DOCK8: variants seen among roughly 807,000 people sequenced by gnomAD.
DOCK8 encodes dedicator of cytokinesis 8.
Under a neutral mutation model 245.6 loss-of-function variants are expected in DOCK8, and 141 were observed. That is an observed-to-expected ratio of 0.57 (90% CI 0.50 to 0.66). DOCK8 has a LOEUF of 0.66. Ranked by LOEUF, DOCK8 falls within the 30% of genes least tolerant of loss-of-function variation. The pLI is 0.00. For synonymous variants in DOCK8, 1,168 were observed against 970.2 expected (o/e 1.20, Z -3.79); for missense variants, 2,965 against 2,603.4 (o/e 1.14, Z -3.02).
At chr9:340,396 G>T in intron 14 of DOCK8, 75 bp downstream of exon 14, 1 of 1,584,206 alleles carries the variant, frequency 6.3e-7, no homozygotes. Context: ...CGAGGCAGGA[G>T]GATTGCTTGA....
intron 46 of DOCK8, among the ~76,000 whole-genome samples, chr9:462,586 C>G (rs2057839939): frequency 6.6e-6 from 1 of 152,220 alleles, no homozygotes; most frequent in Admixed American, 6.5e-5. Context: ...TCCCCTCAGC[C>G]CATAGACCTA....
At chr9:364,039 T>A (rs1377734534) in intron 14 of DOCK8, among the ~76,000 whole-genome samples, 2 of 152,186 alleles carry the variant, frequency 1.3e-5, no homozygotes, top group Non-Finnish European at 2.9e-5. Flanking sequence ...TTTAATTAAT[T>A]CAAAGATGAT....
intron 28 of DOCK8, among the ~76,000 whole-genome samples, chr9:412,217 A>G (rs1403473691): frequency 6.6e-6 from 1 of 152,170 alleles, no homozygotes; most frequent in Non-Finnish European, 1.5e-5. Flanking sequence ...CACCCTGAGC[A>G]ACATGGCAAA....
At chr9:401,287 G>A (rs1463808650) in intron 26 of DOCK8, among the ~76,000 whole-genome samples, 1 of 152,216 alleles carries the variant, frequency 6.6e-6, no homozygotes, top group Admixed American at 6.5e-5. Context: ...TCATTGAGCA[G>A]CACTTGGACA....
chr9:213,235 G>A (rs1465352582), upstream of DOCK8: 2 of 152,158 alleles, frequency 1.3e-5, no homozygotes, highest in Non-Finnish European at 2.9e-5. Flanking sequence ...GGGGGGCGGG[G>A]AGTTACCTAA....
At chr9:215,482 C>G in intron 1 of DOCK8, 1 of 1,472,128 alleles carries the variant, frequency 6.8e-7, no homozygotes. Flanking sequence ...AGGCAGGCTG[C>G]AAGCCTTCTG....
intron 39 of DOCK8, among the ~76,000 whole-genome samples, chr9:436,427 A>T (rs974944356): frequency 6.6e-6 from 1 of 152,232 alleles, no homozygotes; most frequent in Non-Finnish European, 1.5e-5. Flanking sequence ...TCAAAAATAA[A>T]TATTATAGTA....
intron 14 of DOCK8, among the ~76,000 whole-genome samples, chr9:363,600 G>T (rs565274017): frequency 6.6e-6 from 1 of 152,268 alleles, no homozygotes; most frequent in Non-Finnish European, 1.5e-5. Flanking sequence ...CTTAGGAAAT[G>T]CATCTCCTTA....
chr9:277,494 A>G (rs2048404792), intron 2 of DOCK8, among the ~76,000 whole-genome samples: 1 of 105,434 alleles, frequency 9.5e-6, no homozygotes. Context: ...GAGAAGACAT[A>G]CAAAAGAAGA....
intron 1 of DOCK8, among the ~76,000 whole-genome samples, chr9:252,636 C>G (rs1002106415): frequency 1.3e-5 from 2 of 151,870 alleles, no homozygotes; most frequent in Non-Finnish European, 2.9e-5. Flanking sequence ...AACCCCATCT[C>G]TACTAAAAAT....
Position 245,286 on chromosome 9 carries a change from C to G in DOCK8, c.54-26341C>G, listed in dbSNP as rs111832612. ...GTGGCACAATCTCAGCTCACTGCAA[C>G]CTCCACCTCCTGAGTTCAAGTGATT... is the stretch of plus-strand genomic sequence containing the variant. On this transcript the variant is annotated intron_variant, in intron 1 of 47. Transcript: ENST00000432829. Among the ~76,000 whole-genome samples the G allele has an allele frequency of 6.3e-3, 966 of 152,288 alleles. 6 individuals are homozygous for G. The highest frequency in any genetic ancestry group is 0.021 in the African/African-American group (886 of 41,552).
At chr9:402,727 G>C (rs1427983189) in intron 26 of DOCK8, among the ~76,000 whole-genome samples, 1 of 152,144 alleles carries the variant, frequency 6.6e-6, no homozygotes, top group Non-Finnish European at 1.5e-5. Context: ...ACTAAAAATA[G>C]ACAAATCCAT....
intron 2 of DOCK8, among the ~76,000 whole-genome samples, chr9:276,017 AG>A (rs2048332513): frequency 6.6e-6 from 1 of 151,806 alleles, no homozygotes; most frequent in South Asian, 2.1e-4. Context: ...TAGCATCCTG[AG>A]TAGCTGGGAT....
chr9:283,143 G>C (rs1330671143), intron 2 of DOCK8, among the ~76,000 whole-genome samples: 1 of 152,206 alleles, frequency 6.6e-6, no homozygotes, highest in Non-Finnish European at 1.5e-5. Context: ...AAGAATGTGA[G>C]TCTGCCTTGG....
At chr9:278,647 C>G (rs551411024) in intron 2 of DOCK8, among the ~76,000 whole-genome samples, 6 of 152,308 alleles carry the variant, frequency 3.9e-5, no homozygotes, top group African/African-American at 1.4e-4. Context: ...GACACTTGGG[C>G]AGAATTCTGA....
upstream of DOCK8, chr9:213,028 C>G (rs2046644826): frequency 6.6e-6 from 1 of 152,148 alleles, no homozygotes; most frequent in Non-Finnish European, 1.5e-5. Flanking sequence ...CACATTTGTT[C>G]TCTTTGTATT....
chr9:322,600 A>G lies in DOCK8; in HGVS notation c.828-3071A>G, dbSNP rs369596177. ...GTTGTGTAAAGAGACTGATGTGTGGAAAGCACTTATTATAACACAATTTTA... is the reference window on the plus strand; with the variant it reads ...GTTGTGTAAAGAGACTGATGTGTGGGAAGCACTTATTATAACACAATTTTA... On this transcript the variant is annotated intron_variant, in intron 7 of 47. Coordinates refer to ENST00000432829, the MANE Select transcript of DOCK8 (RefSeq NM_203447.4). 2.8e-4 allele frequency among the ~76,000 whole-genome samples: 42 copies of G among 152,370 alleles called. 1 individual carries two copies. The highest frequency in any genetic ancestry group is 6.0e-4 in the African/African-American group (25 of 41,584).
chr9:258,592 CTTT>C (rs540266063), intron 1 of DOCK8, among the ~76,000 whole-genome samples: 21,973 of 98,706 alleles, frequency 0.22, 1,389 homozygotes, highest in East Asian at 0.31. Context: ...TGAAGAGACT[CTTT>C]TTTTTTTTTT....
chr9:375,065 C>G (rs1368183107), intron 18 of DOCK8, among the ~76,000 whole-genome samples: 1 of 152,106 alleles, frequency 6.6e-6, no homozygotes, highest in Non-Finnish European at 1.5e-5. Flanking sequence ...GAAAAGCAGT[C>G]TTTTATAGGA....
Sources: allele counts gnomAD v4.1 joint callset (sites outside exome capture counted in the v4.1 genomes callset), GRCh38; gene constraint gnomAD v4.1.1; transcripts MANE v1.5; gene names NCBI Gene and HGNC (gene_info 2026-07-23, HGNC 2026-07-21).